Variants in WNK1 observed in about 807,000 individuals in gnomAD.
The protein encoded by WNK1 is WNK lysine deficient protein kinase 1, also known as serine/threonine-protein kinase WNK1.
WNK1 carries 38 observed loss-of-function variants against 222.8 expected under a neutral mutation model. That is an observed-to-expected ratio of 0.17 (90% CI 0.13 to 0.22). The LOEUF is 0.22. Ranked by LOEUF, WNK1 falls within the 10% of genes least tolerant of loss-of-function variation. The pLI, the probability that WNK1 is intolerant of heterozygous loss-of-function variation, is 1.00. For synonymous variants in WNK1, 1,090 were observed against 1,092.9 expected (o/e 1.00, Z 0.05); for missense variants, 2,348 against 2,918.4 (o/e 0.80, Z 4.50).
intron 1 of WNK1, among the ~76,000 whole-genome samples, chr12:783,498 A>AG (rs1237311946): frequency 6.9e-6 from 1 of 145,448 alleles, no homozygotes; most frequent in Non-Finnish European, 1.5e-5. Flanking sequence ...ACCAAAAAAA[A>AG]AACAAAACAA....
At chr12:907,714 CCT>C (rs1955826222) in intron 26 of WNK1, 131 bp from the exon 27 acceptor site, 1 of 1,069,192 alleles carries the variant, frequency 9.4e-7, no homozygotes, top group African/African-American at 2.0e-5. Flanking sequence ...TGGAATCTTC[CCT>C]CTTGCATGGC....
At position 896,471 on chromosome 12, in the gene WNK1, A is replaced by ATTC; in HGVS notation, c.5984_5985insTTC (p.Lys1995delinsAsnSer). On this transcript the variant is annotated protein_altering_variant, in exon 24 of 28. Coordinates refer to ENST00000315939, the MANE Select transcript of WNK1 (RefSeq NM_018979.4). ...GCTGTTCTTCCTGCTGTGATACCAA[A>ATTC]GAAAGAGAAGCCTGAACTGTCAGAG... 6.2e-7 allele frequency: 1 copy of ATTC among 1,613,980 alleles called. No individual in the cohort carries two copies. The highest frequency in any genetic ancestry group is 8.5e-7 in the Non-Finnish European group (1 of 1,180,004).
At chr12:895,980 AAAGT>A (rs1020381425) in intron 23 of WNK1, 87 bp from the exon 24 acceptor site, 4 of 1,554,708 alleles carry the variant, frequency 2.6e-6, no homozygotes, top group Non-Finnish European at 3.5e-6. Flanking sequence ...ACAGGGAAAT[AAAGT>A]GATTCTTTTT....
intron 8 of WNK1, 124 bp from the exon 9 acceptor site, chr12:871,141 C>G: frequency 1.1e-6 from 1 of 894,044 alleles, no homozygotes; most frequent in East Asian, 2.6e-5. Flanking sequence ...CATACATAAT[C>G]AGGTTAATGT....
intron 4 of WNK1, among the ~76,000 whole-genome samples, chr12:840,158 C>T (rs1949511653): frequency 6.6e-6 from 1 of 152,040 alleles, no homozygotes; most frequent in African/African-American, 2.4e-5. Context: ...GAGAAAGTCT[C>T]ACTCTGTCAC....
Position 862,265 on chromosome 12 carries a change from A to T in WNK1, c.2134A>T (p.Ser712Cys), listed in dbSNP as rs1393034802. Residue 712 changes from serine to cysteine, a missense_variant, in exon 8 of 28, where the codon AGT becomes TGT. This residue lies in a region of WNK1 where 547 missense variants were observed against 558.3 expected (regional missense o/e 0.98). Transcript: ENST00000315939. ...SQPHGVYPPSSVAQGQSQGQP... is the reference protein window; with the variant it reads ...SQPHGVYPPSCVAQGQSQGQP... ...GCCCCATGGGGTATATCCACCCTCA[A>T]GTGTGGTAAGTAAATGCTTAAGAGC... 1 of 1,614,082 alleles carries T rather than the reference A, an allele frequency of 6.2e-7. No homozygotes were observed. Among genetic ancestry groups the T allele is most frequent in the Non-Finnish European group, 8.5e-7 (1 of 1,179,936 alleles).
intron 1 of WNK1, among the ~76,000 whole-genome samples, chr12:776,677 G>T: frequency 6.6e-6 from 1 of 151,948 alleles, no homozygotes; most frequent in East Asian, 1.9e-4. Flanking sequence ...TGATCTGCCC[G>T]CCTTGGCCTC....
At chr12:880,529 C>G (rs1395328624) in intron 11 of WNK1, among the ~76,000 whole-genome samples, 192 bp from the exon 12 acceptor site, 1 of 152,016 alleles carries the variant, frequency 6.6e-6, no homozygotes, top group African/African-American at 2.4e-5. Context: ...AGTCCTGTCT[C>G]TTCTGTTGGA....
At chr12:865,219 C>T (rs1441644400) in intron 8 of WNK1, 13 of 1,536,064 alleles carry the variant, frequency 8.5e-6, no homozygotes, top group Non-Finnish European at 1.1e-5. Flanking sequence ...ACTGTCTGCA[C>T]CTCTTTCTCC....
chr12:757,335 A>ATTTT (rs1565383102), intron 1 of WNK1, among the ~76,000 whole-genome samples: 6 of 79,488 alleles, frequency 7.5e-5, no homozygotes, highest in East Asian at 6.0e-4. Flanking sequence ...TTTTTTTTTA[A>ATTTT]AAAAAAAAAG....
At chr12:818,883 G>A (rs984752268) in intron 2 of WNK1, among the ~76,000 whole-genome samples, 3 of 152,180 alleles carry the variant, frequency 2.0e-5, no homozygotes, top group African/African-American at 7.2e-5. Flanking sequence ...TGAACATTTG[G>A]GCTGTATCCA....
intron 10 of WNK1, among the ~76,000 whole-genome samples, chr12:878,891 A>G (rs1443499043): frequency 6.6e-6 from 1 of 151,818 alleles, no homozygotes; most frequent in Non-Finnish European, 1.5e-5. Flanking sequence ...ACTGTTGTGC[A>G]TGTATGTGCA....
At position 792,102 on chromosome 12, in the gene WNK1, A is replaced by G. The variant is rs564387659; in HGVS notation, c.760-21540A>G. Among the ~76,000 whole-genome samples, 8 of 152,230 alleles carry G rather than the reference A, an allele frequency of 5.3e-5. No homozygotes were observed. In the South Asian group the frequency reaches 1.7e-3, roughly 32 times the overall value. ...TATACCTAAACATTGCTACTCCCCT[A>G]CGCTAGCCCCGCAAAAGTGAGAGAG... On this transcript the variant is annotated intron_variant, in intron 1 of 27. Coordinates refer to ENST00000315939, the MANE Select transcript of WNK1 (RefSeq NM_018979.4).
intron 4 of WNK1, among the ~76,000 whole-genome samples, chr12:853,071 A>G (rs1216725191): frequency 1.3e-5 from 2 of 152,164 alleles, no homozygotes; most frequent in Non-Finnish European, 2.9e-5. Flanking sequence ...ATCTTTTAAT[A>G]CCAGCTACTG....
intron 26 of WNK1, among the ~76,000 whole-genome samples, chr12:905,075 T>C (rs1366522608): frequency 6.6e-6 from 1 of 152,122 alleles, no homozygotes; most frequent in Non-Finnish European, 1.5e-5. Flanking sequence ...GATCTGGTGA[T>C]GTGGGAATAG....
chr12:837,549 G>T (rs1377022317), intron 4 of WNK1, among the ~76,000 whole-genome samples: 1 of 150,300 alleles, frequency 6.7e-6, no homozygotes, highest in Non-Finnish European at 1.5e-5. Context: ...ACTCCTGCCT[G>T]GGTGACAGAG....
At chr12:849,467 A>G (rs1215214991) in intron 4 of WNK1, among the ~76,000 whole-genome samples, 2 of 152,200 alleles carry the variant, frequency 1.3e-5, no homozygotes, top group African/African-American at 4.8e-5. Context: ...ATTTGGGTCT[A>G]TGAGATCTTC....
At chr12:776,682 G>C (rs1943141968) in intron 1 of WNK1, among the ~76,000 whole-genome samples, 1 of 150,536 alleles carries the variant, frequency 6.6e-6, no homozygotes, top group African/African-American at 2.4e-5. Context: ...TGCCCGCCTT[G>C]GCCTCCCAAA....
chr12:886,149 A>G (rs1162262734), intron 19 of WNK1, 65 bp downstream of exon 19: 2 of 1,364,046 alleles, frequency 1.5e-6, no homozygotes, highest in Non-Finnish European at 1.0e-6. Context: ...TAATGAGTAC[A>G]TTTTTCACTT....
Sources: gnomAD v4.1 joint callset for allele counts (sites outside exome capture counted in the v4.1 genomes callset) on GRCh38, gnomAD v4.1.1 for gene constraint, gnomAD v4.1.1 regional missense constraint, MANE v1.5 for transcripts, NCBI Gene and HGNC (gene_info 2026-07-23, HGNC 2026-07-21) for gene names.